EPS15L1: variants seen among roughly 807,000 people sequenced by gnomAD.
EPS15L1 encodes the protein epidermal growth factor receptor substrate 15-like 1.
In EPS15L1, 43 loss-of-function variants were observed where a neutral mutation model predicts 117.1. The observed-to-expected ratio is 0.37, with a 90% CI of 0.29 to 0.47. The LOEUF (loss-of-function observed/expected upper bound fraction) is 0.47. Ranked by LOEUF, EPS15L1 falls within the 20% of genes least tolerant of loss-of-function variation. The pLI is 0.99. For missense variants in EPS15L1, 981 were observed against 1,164.0 expected (o/e 0.84, Z 2.29); for synonymous variants, 459 against 470.5 (o/e 0.98, Z 0.32).
intron 22 of EPS15L1, among the ~76,000 whole-genome samples, chr19:16,363,965 C>T (rs922627259): frequency 5.9e-5 from 9 of 152,238 alleles, no homozygotes; most frequent in Admixed American, 5.2e-4. Flanking sequence ...CCTGCCTGTC[C>T]GCCTCTGCCC....
chr19:16,369,762 T>C (rs549376387), intron 22 of EPS15L1, among the ~76,000 whole-genome samples: 1 of 151,420 alleles, frequency 6.6e-6, no homozygotes, highest in Non-Finnish European at 1.5e-5. Context: ...CCAGTCTTCA[T>C]GACAAAAATA....
chr19:16,428,817 A>T, intron 7 of EPS15L1, 56 bp from the exon 8 acceptor site: 1 of 1,405,742 alleles, frequency 7.1e-7, no homozygotes, highest in African/African-American at 1.4e-5. Flanking sequence ...GGTGAGAGTG[A>T]GACCACCTGC....
At chr19:16,401,467 G>A in intron 16 of EPS15L1, 1 of 985,836 alleles carries the variant, frequency 1.0e-6, no homozygotes, top group Non-Finnish European at 1.2e-6. Flanking sequence ...CTGGGAGAGA[G>A]GGTGGCAGCA....
intron 16 of EPS15L1, among the ~76,000 whole-genome samples, chr19:16,398,466 C>T (rs1168527235): frequency 1.3e-5 from 2 of 152,014 alleles, no homozygotes; most frequent in South Asian, 2.1e-4. Context: ...ATGGGGGTCT[C>T]GGATGCAGAT....
At chr19:16,431,971 C>A (rs565008270) in intron 7 of EPS15L1, among the ~76,000 whole-genome samples, 7 of 152,234 alleles carry the variant, frequency 4.6e-5, no homozygotes, top group East Asian at 1.9e-4. Flanking sequence ...AGTCGTGGGA[C>A]GTGAAACCCG....
chr19:16,438,590 C>T (rs933186408), intron 4 of EPS15L1, among the ~76,000 whole-genome samples: 1 of 152,102 alleles, frequency 6.6e-6, no homozygotes, highest in East Asian at 1.9e-4. Context: ...AGTGCAGTGG[C>T]GCAATCACAG....
intron 1 of EPS15L1, among the ~76,000 whole-genome samples, chr19:16,464,838 C>T (rs1406811556): frequency 6.6e-6 from 1 of 152,146 alleles, no homozygotes; most frequent in Non-Finnish European, 1.5e-5. Context: ...AATCCCAGCA[C>T]TTTGGGAGGC....
intron 17 of EPS15L1, 112 bp from the exon 18 acceptor site, chr19:16,394,113 G>T: frequency 1.1e-6 from 1 of 902,382 alleles, no homozygotes; most frequent in Non-Finnish European, 1.9e-6. Context: ...TACTCCTCCA[G>T]TGTAGGGAGA....
chr19:16,442,217 A>G lies in EPS15L1; in HGVS notation c.36T>C (p.Ile12=). Reference sequence around the variant, plus strand: ...ATTCATACAACGAATTTCCAGTGGGAATCTGTAAATGAAACCACAGATATT... The same window carrying G: ...ATTCATACAACGAATTTCCAGTGGGGATCTGTAAATGAAACCACAGATATT... ...AAPLIPLSQQ[I]PTGNSLYESY... Residue 12 remains isoleucine, a splice_region_variant and synonymous_variant, in exon 2 of 24, where the codon ATT becomes ATC. Coordinates refer to ENST00000455140, the MANE Select transcript of EPS15L1 (RefSeq NM_001258374.3). The G allele has an allele frequency of 1.9e-6, 3 of 1,613,464 alleles. No individual in the cohort carries two copies. Among genetic ancestry groups the G allele is most frequent in the Non-Finnish European group, 1.7e-6 (2 of 1,179,418 alleles).
At chr19:16,429,878 G>A (rs1376761122) in intron 7 of EPS15L1, among the ~76,000 whole-genome samples, 1 of 152,250 alleles carries the variant, frequency 6.6e-6, no homozygotes, top group Non-Finnish European at 1.5e-5. Flanking sequence ...ACTACTGCCT[G>A]TTAGGGCTGG....
rs116923291 is a variant in EPS15L1, at chr19:16,470,836, T to A, written c.33+1077A>T. Among the ~76,000 whole-genome samples, 187 of 152,294 alleles carry A rather than the reference T, an allele frequency of 1.2e-3. 3 individuals carry two copies. In the East Asian group the frequency reaches 0.03, roughly 25 times the overall value. On this transcript the variant is annotated intron_variant, in intron 1 of 23. Coordinates refer to ENST00000455140, the MANE Select transcript of EPS15L1 (RefSeq NM_001258374.3). ...TTAAATGATGACAGTAATTATAGGA[T>A]CACTGAGTGCCTCTCATATGCTAGG...
At chr19:16,466,611 C>A (rs73511195) in intron 1 of EPS15L1, among the ~76,000 whole-genome samples, 31,699 of 152,040 alleles carry the variant, frequency 0.21, 3,590 homozygotes, top group African/African-American at 0.3. Context: ...CTACAAAAGG[C>A]AGGCATGAGG....
chr19:16,361,684 A>C lies in EPS15L1; in HGVS notation c.2586+95T>G, dbSNP rs2092053309. On this transcript the variant is annotated intron_variant, in intron 23 of 23. Coordinates refer to ENST00000455140, the MANE Select transcript of EPS15L1 (RefSeq NM_001258374.3). ...GTGTGAGGTACCAAGAGGCTAAAGA[A>C]GCTGGGAGGTTTGCCTTTAAAAGGA... 10 of 1,476,336 alleles carry C rather than the reference A, an allele frequency of 6.8e-6. No homozygotes were observed. The East Asian group carries it at 2.5e-4, about 36-fold the overall frequency. The allele number at this position is 1,476,336 out of a possible 1,614,324, so 91.5% of individuals were successfully genotyped here. A position where few individuals can be genotyped will look rare whatever the true frequency, so the allele number is the denominator to read the frequency against.
chr19:16,413,178 A>C, intron 13 of EPS15L1: 1 of 660,078 alleles, frequency 1.5e-6, no homozygotes, highest in Non-Finnish European at 2.8e-6. Context: ...CAAGCTCTCC[A>C]TTGTCCCCGT....
chr19:16,412,761 C>T (rs2092719977), intron 13 of EPS15L1: 2 of 322,784 alleles, frequency 6.2e-6, no homozygotes, highest in South Asian at 5.4e-5. Context: ...ACCACAGTAA[C>T]TTCCACGGAG....
intron 22 of EPS15L1, among the ~76,000 whole-genome samples, chr19:16,367,497 TAAA>T (rs71178691): frequency 1.5e-5 from 1 of 65,304 alleles, no homozygotes; most frequent in Non-Finnish European, 2.7e-5. Flanking sequence ...TATGTGCTGT[TAAA>T]AAAAAAAAAA....
intron 1 of EPS15L1, among the ~76,000 whole-genome samples, chr19:16,443,822 T>C (rs1356352810): frequency 1.3e-5 from 2 of 152,068 alleles, no homozygotes; most frequent in Admixed American, 1.3e-4. Flanking sequence ...AACAGCACTT[T>C]GGGAGGCCGA....
chr19:16,456,979 C>G (rs774377706), intron 1 of EPS15L1, among the ~76,000 whole-genome samples: 36 of 151,972 alleles, frequency 2.4e-4, no homozygotes, highest in Admixed American at 4.6e-4. Context: ...GCCTGCAGGC[C>G]AGCAAGGTGG....
chr19:16,451,230 C>T (rs754739966), intron 1 of EPS15L1, among the ~76,000 whole-genome samples: 5 of 152,174 alleles, frequency 3.3e-5, no homozygotes, highest in Admixed American at 6.5e-5. Flanking sequence ...GGATTACAGG[C>T]GTGAGCCACC....
Sources: allele counts gnomAD v4.1 joint callset (sites outside exome capture counted in the v4.1 genomes callset), GRCh38; gene constraint gnomAD v4.1.1; transcripts MANE v1.5; gene names NCBI Gene and HGNC (gene_info 2026-07-23, HGNC 2026-07-21).